The following NUP93 variants were observed in gnomAD, a reference collection of about 807,000 sequenced individuals.
NUP93 encodes the protein nuclear pore complex protein Nup93.
A neutral mutation model predicts 107.8 loss-of-function variants in NUP93; 55 were observed. That is an observed-to-expected ratio of 0.51 (90% CI 0.41 to 0.64). The LOEUF (loss-of-function observed/expected upper bound fraction) is 0.64, where lower values mean the gene tolerates loss of function less well. Among genes scored for constraint, NUP93 ranks in the 30% least tolerant of loss-of-function variants. The pLI is 0.00. For missense variants in NUP93, 937 were observed against 1,044.7 expected (o/e 0.90, Z 1.42); for synonymous variants, 390 against 397.5 (o/e 0.98, Z 0.22).
chr16:56,795,871 T>C (rs1962886251), intron 3 of NUP93, among the ~76,000 whole-genome samples: 1 of 152,104 alleles, frequency 6.6e-6, no homozygotes, highest in African/African-American at 2.4e-5. Context: ...GGTCTCGAAC[T>C]CCTGACCTCA....
rs1464551601 is a variant in NUP93, at chr16:56,808,167, A to G, written c.489+2535A>G. Among the ~76,000 whole-genome samples the G allele has an allele frequency of 4.0e-3, 497 of 125,406 alleles. 15 individuals are homozygous for G. The highest frequency in any genetic ancestry group is 9.7e-3 in the African/African-American group (321 of 33,188). 82.3% of individuals were successfully genotyped at this position (125,406 alleles called of 152,430 possible). ...ATAACTATATATAATATATAGTTAT[A>G]TAACTATATAAAATATATAGTTATA... On this transcript the variant is annotated intron_variant, in intron 5 of 21. Transcript: ENST00000308159.
At chr16:56,834,079 G>T in intron 13 of NUP93, 49 bp from the exon 14 acceptor site, 4 of 1,608,470 alleles carry the variant, frequency 2.5e-6, no homozygotes, top group Non-Finnish European at 3.4e-6. Flanking sequence ...GGGTTGCATG[G>T]GTCAGAGGGG....
intron 16 of NUP93, 87 bp downstream of exon 16, chr16:56,834,865 A>G (rs1963879251): frequency 3.6e-6 from 4 of 1,112,036 alleles, no homozygotes; most frequent in Non-Finnish European, 4.0e-6. Flanking sequence ...TTAAGATTCA[A>G]GGTACTAAAG....
At chr16:56,768,086 A>G (rs1962246536) in intron 3 of NUP93, among the ~76,000 whole-genome samples, 1 of 152,316 alleles carries the variant, frequency 6.6e-6, no homozygotes, top group African/African-American at 2.4e-5. Flanking sequence ...AAAAATCTCT[A>G]AATCCTTATT....
chr16:56,754,604 G>T (rs372078241), intron 2 of NUP93, among the ~76,000 whole-genome samples: 64 of 152,384 alleles, frequency 4.2e-4, no homozygotes, highest in African/African-American at 1.5e-3. Flanking sequence ...CTTTGGCTCT[G>T]CAGGGTACAG....
intron 4 of NUP93, among the ~76,000 whole-genome samples, chr16:56,805,219 A>G (rs1963109772): frequency 6.6e-6 from 1 of 152,086 alleles, no homozygotes; most frequent in African/African-American, 2.4e-5. Flanking sequence ...CACCGTGCCC[A>G]GCTAACTTTT....
intron 8 of NUP93, among the ~76,000 whole-genome samples, chr16:56,824,456 C>T (rs777564390): frequency 6.6e-6 from 1 of 152,172 alleles, no homozygotes; most frequent in African/African-American, 2.4e-5. Flanking sequence ...TGCCATCATC[C>T]CTCCCTGTGG....
In NUP93 at chr16:56,806,089, C is replaced by T. The variant is rs1215503892; in HGVS notation, c.489+457C>T. On this transcript the variant is annotated intron_variant, in intron 5 of 21. Coordinates refer to ENST00000308159, the MANE Select transcript of NUP93 (RefSeq NM_014669.5). ...TTGGCTCTGCTTGTGTGTCTCATTG[C>T]CCTCACAGGCTAAATATGTCCAGAA... 2.0e-5 allele frequency among the ~76,000 whole-genome samples: 3 copies of T among 148,936 alleles called. No homozygotes were observed. The Admixed American group carries it at 2.0e-4, about 10-fold the overall frequency.
At chr16:56,746,032 A>G (rs1162595587) in intron 1 of NUP93, among the ~76,000 whole-genome samples, 1 of 152,080 alleles carries the variant, frequency 6.6e-6, no homozygotes, top group Non-Finnish European at 1.5e-5. Flanking sequence ...TAATCATAGA[A>G]AAGTTTTGCT....
At chr16:56,738,583 G>A (rs1663460039) in intron 1 of NUP93, among the ~76,000 whole-genome samples, 1 of 152,162 alleles carries the variant, frequency 6.6e-6, no homozygotes, top group Admixed American at 6.5e-5. Context: ...TCACAGGGCT[G>A]TAAAGAACTT....
At chr16:56,778,722 A>G (rs1276327099) in intron 3 of NUP93, among the ~76,000 whole-genome samples, 1 of 152,202 alleles carries the variant, frequency 6.6e-6, no homozygotes, top group African/African-American at 2.4e-5. Flanking sequence ...AAGATTAACT[A>G]GATTGAGAGT....
rs541128483 is a variant in NUP93 at position 56,789,815 on chromosome 16, A to G, written c.298-8661A>G. 2.0e-5 allele frequency among the ~76,000 whole-genome samples: 3 copies of G among 152,338 alleles called. No homozygotes were observed. In the East Asian group the frequency reaches 5.8e-4, roughly 29 times the overall value. ...AAAATTTTTGTAGAAAACAAGCAAC[A>G]GGGCCAGGTGCAGTGGCTCACGCCT... On this transcript the variant is annotated intron_variant, in intron 3 of 21. Coordinates refer to ENST00000308159, the MANE Select transcript of NUP93 (RefSeq NM_014669.5).
chr16:56,756,297 C>T (rs1240909595), intron 2 of NUP93, among the ~76,000 whole-genome samples: 1 of 23,108 alleles, frequency 4.3e-5, no homozygotes, highest in Admixed American at 2.8e-4. Context: ...CTCTCCTTGC[C>T]CCCCCCCCCC....
intron 2 of NUP93, among the ~76,000 whole-genome samples, chr16:56,750,382 A>G (rs1485398468): frequency 1.3e-5 from 2 of 152,212 alleles, no homozygotes; most frequent in African/African-American, 4.8e-5. Context: ...TGAGTAGGAA[A>G]AATTTTCTTA....
intron 3 of NUP93, among the ~76,000 whole-genome samples, chr16:56,761,561 A>AT (rs5817074): frequency 0.85 from 127,306 of 150,184 alleles, 54,011 homozygotes; most frequent in East Asian, 0.97. Flanking sequence ...CAATCAATGC[A>AT]TTTTTTTTTT....
At chr16:56,838,348 G>T (rs1274976839) in intron 18 of NUP93, among the ~76,000 whole-genome samples, 1 of 152,128 alleles carries the variant, frequency 6.6e-6, no homozygotes, top group Non-Finnish European at 1.5e-5. Flanking sequence ...AGGGCTGCTC[G>T]GCTTTTTGCC....
At chr16:56,830,276 C>T (rs1395063879) in intron 9 of NUP93, among the ~76,000 whole-genome samples, 1 of 152,274 alleles carries the variant, frequency 6.6e-6, no homozygotes, top group East Asian at 1.9e-4. Flanking sequence ...GGGTACAAAG[C>T]ACTTCAGAGG....
In NUP93 at chr16:56,771,867, C is replaced by T. The variant is rs558004010; in HGVS notation, c.297+13212C>T. Among the ~76,000 whole-genome samples the T allele has an allele frequency of 2.1e-4, 32 of 152,260 alleles. No homozygotes were observed. The South Asian group carries it at 6.4e-3, about 31-fold the overall frequency. On this transcript the variant is annotated intron_variant, in intron 3 of 21. Transcript: ENST00000308159. Reference sequence around the variant, plus strand: ...AAAAGTAGCAAACTGAAACAAATGCCATATTTGGAACTTTAGGTGGACTGG... The same window carrying T: ...AAAAGTAGCAAACTGAAACAAATGCTATATTTGGAACTTTAGGTGGACTGG...
Position 56,748,373 on chromosome 16 carries a change from C to T in NUP93, c.126C>T (p.Arg42=). 6.2e-7 allele frequency: 1 copy of T among 1,613,984 alleles called. No homozygotes were observed. Among genetic ancestry groups the T allele is most frequent in the Non-Finnish European group, 8.5e-7 (1 of 1,180,036 alleles). The change falls in exon 2 of 22, where the codon CGC becomes CGT. Residue 42 remains arginine, a synonymous_variant. Transcript: ENST00000308159. ...NLQEIQQAGE[R]LRSRTLTRTS... is the part of the protein sequence containing the mutation. ...AGGAGATCCAGCAGGCGGGAGAGCG[C>T]CTGCGTTCCCGTACCCTAACACGCA...
Sources: gnomAD v4.1 joint callset for allele counts (sites outside exome capture counted in the v4.1 genomes callset) on GRCh38, gnomAD v4.1.1 for gene constraint, MANE v1.5 for transcripts, NCBI Gene and HGNC (gene_info 2026-07-23, HGNC 2026-07-21) for gene names.